THSD4: variants seen among roughly 807,000 people sequenced by gnomAD.
THSD4 encodes the protein thrombospondin type-1 domain-containing protein 4.
A neutral mutation model predicts 119.0 loss-of-function variants in THSD4; 69 were observed. That is an observed-to-expected ratio of 0.58 (90% CI 0.48 to 0.71). The LOEUF is 0.71. Ranked by LOEUF, THSD4 falls within the 30% of genes least tolerant of loss-of-function variation. The probability of loss-of-function intolerance (pLI) is 0.00; values close to 1 mark genes in which losing one functional copy is unlikely to be tolerated. For synonymous variants in THSD4, 524 were observed against 540.4 expected (o/e 0.97, Z 0.42); for missense variants, 1,393 against 1,391.1 (o/e 1.00, Z -0.02).
intron 6 of THSD4, among the ~76,000 whole-genome samples, chr15:71,365,548 T>TG (rs2045950670): frequency 2.0e-5 from 3 of 152,034 alleles, no homozygotes; most frequent in Non-Finnish European, 4.4e-5. Flanking sequence ...AGTGGGGCGG[T>TG]GTGGGGGACA....
chr15:71,495,940 C>T (rs2048009625), intron 7 of THSD4, among the ~76,000 whole-genome samples: 1 of 152,196 alleles, frequency 6.6e-6, no homozygotes, highest in African/African-American at 2.4e-5. Flanking sequence ...CAGGACAGGG[C>T]CTTCCCCTGC....
In THSD4 at chr15:71,757,982, G is replaced by A; in HGVS notation, c.2496G>A (p.Glu832=). 1 of 1,614,186 alleles carries A rather than the reference G, an allele frequency of 6.2e-7. No individual in the cohort carries two copies. The highest frequency in any genetic ancestry group is 1.3e-5 in the African/African-American group (1 of 75,068). ...MTNHVSSLPL[E]GCGNNRPAEA... is the part of the protein sequence containing the mutation. The stretch of plus-strand genomic sequence containing the variant: ...ACCATGTCAGCAGCCTGCCCCTGGA[G>A]GGCTGTGGGAACAACCGGCCGGCAG... The change falls in exon 15 of 18, where the codon GAG becomes GAA. Residue 832 remains glutamate, a synonymous_variant. Coordinates refer to ENST00000261862, the MANE Select transcript of THSD4 (RefSeq NM_024817.3).
intron 5 of THSD4, among the ~76,000 whole-genome samples, chr15:71,243,449 C>G (rs529635353): frequency 6.6e-6 from 1 of 152,118 alleles, no homozygotes; most frequent in East Asian, 1.9e-4. Context: ...TATAAGTTTC[C>G]CAGAGGTTCT....
At chr15:71,236,830 G>T (rs2044109374) in intron 4 of THSD4, among the ~76,000 whole-genome samples, 1 of 152,206 alleles carries the variant, frequency 6.6e-6, no homozygotes, top group South Asian at 2.1e-4. Context: ...GCTACATGAG[G>T]CCCAGTGGAA....
At chr15:71,265,427 T>C (rs918311209) in intron 6 of THSD4, among the ~76,000 whole-genome samples, 1 of 152,146 alleles carries the variant, frequency 6.6e-6, no homozygotes, top group Admixed American at 6.5e-5. Flanking sequence ...CTAGCCCAGA[T>C]ACTACGCTTT....
chr15:71,382,631 T>C (rs2046242689), intron 6 of THSD4, among the ~76,000 whole-genome samples: 1 of 152,154 alleles, frequency 6.6e-6, no homozygotes, highest in Non-Finnish European at 1.5e-5. Flanking sequence ...CAAAAACACA[T>C]CTTACTTTTA....
intron 6 of THSD4, among the ~76,000 whole-genome samples, chr15:71,364,427 G>A (rs2045930284): frequency 6.6e-6 from 1 of 152,208 alleles, no homozygotes; most frequent in African/African-American, 2.4e-5. Context: ...CACCTTATCT[G>A]GGGTACTTTA....
In THSD4 at chr15:71,334,443, C is replaced by A. The variant is rs182029969; in HGVS notation, c.1016-77244C>A. On this transcript the variant is annotated intron_variant, in intron 6 of 17. Transcript: ENST00000261862. ...ATTCAGCATGAGAGTGTATATGAAG[C>A]CTTTGGTACATTTTCTGAGTGCTTA... Among the ~76,000 whole-genome samples, 290 of 152,262 alleles carry A rather than the reference C, an allele frequency of 1.9e-3. 10 individuals carry two copies. In the South Asian group the frequency reaches 0.029, roughly 15 times the overall value.
chr15:71,699,054 G>T (rs2052228685), intron 8 of THSD4, among the ~76,000 whole-genome samples: 1 of 152,120 alleles, frequency 6.6e-6, no homozygotes, highest in Non-Finnish European at 1.5e-5. Flanking sequence ...TGTGTTAAAA[G>T]AGTAGACCTT....
At chr15:71,598,866 C>T (rs558637495) in intron 7 of THSD4, among the ~76,000 whole-genome samples, 44 of 152,178 alleles carry the variant, frequency 2.9e-4, no homozygotes, top group Non-Finnish European at 5.9e-4. Flanking sequence ...AACCCTCCCA[C>T]CTCCACCTCC....
chr15:71,226,664 G>A (rs1351568735), intron 4 of THSD4, among the ~76,000 whole-genome samples: 1 of 152,184 alleles, frequency 6.6e-6, no homozygotes, highest in Non-Finnish European at 1.5e-5. Context: ...ATGCTGGATA[G>A]GAAAACTTGC....
At chr15:71,376,712 G>A (rs1004945830) in intron 6 of THSD4, among the ~76,000 whole-genome samples, 3 of 152,194 alleles carry the variant, frequency 2.0e-5, no homozygotes, top group Non-Finnish European at 2.9e-5. Context: ...GATCCCAGGT[G>A]ATGGGACCAG....
intron 7 of THSD4, among the ~76,000 whole-genome samples, chr15:71,636,134 A>G (rs1471310739): frequency 1.3e-5 from 2 of 152,222 alleles, no homozygotes; most frequent in Non-Finnish European, 2.9e-5. Context: ...TAAAATGAGG[A>G]AAATAGACCA....
At chr15:71,390,228 C>G (rs539278455) in intron 6 of THSD4, among the ~76,000 whole-genome samples, 1 of 152,242 alleles carries the variant, frequency 6.6e-6, no homozygotes, top group East Asian at 1.9e-4. Flanking sequence ...AGGATGGACC[C>G]AGTGAAATAT....
intron 6 of THSD4, among the ~76,000 whole-genome samples, chr15:71,400,602 A>G (rs747639337): frequency 1.3e-5 from 2 of 152,222 alleles, no homozygotes; most frequent in Non-Finnish European, 2.9e-5. Flanking sequence ...CTCCTGGATT[A>G]GTTACTAGAC....
intron 7 of THSD4, among the ~76,000 whole-genome samples, chr15:71,599,627 G>C (rs186249099): frequency 6.6e-6 from 1 of 152,190 alleles, no homozygotes; most frequent in Non-Finnish European, 1.5e-5. Context: ...CATCAAGCCC[G>C]TGGTATGTGC....
At chr15:71,525,707 T>C (rs984960176) in intron 7 of THSD4, among the ~76,000 whole-genome samples, 3 of 152,240 alleles carry the variant, frequency 2.0e-5, no homozygotes, top group Non-Finnish European at 2.9e-5. Context: ...GAAGTCTGTG[T>C]CCTAAATCAT....
At chr15:71,590,305 G>GT (rs1345588679) in intron 7 of THSD4, among the ~76,000 whole-genome samples, 3 of 128,674 alleles carry the variant, frequency 2.3e-5, no homozygotes, top group Non-Finnish European at 5.3e-5. Context: ...TTGGCAGCTT[G>GT]TAATAATGTA....
At chr15:71,666,788 G>A (rs576925848) in intron 8 of THSD4, among the ~76,000 whole-genome samples, 2 of 152,210 alleles carry the variant, frequency 1.3e-5, no homozygotes, top group Admixed American at 6.5e-5. Context: ...TATATTTATA[G>A]TGATGGTACA....
Sources: gnomAD v4.1 joint callset for allele counts (sites outside exome capture counted in the v4.1 genomes callset) on GRCh38, gnomAD v4.1.1 for gene constraint, MANE v1.5 for transcripts, NCBI Gene and HGNC (gene_info 2026-07-23, HGNC 2026-07-21) for gene names.